TPST1: variants seen among roughly 807,000 people sequenced by gnomAD.
The protein encoded by TPST1 is protein-tyrosine sulfotransferase 1.
A neutral mutation model predicts 34.8 loss-of-function variants in TPST1; 20 were observed. The ratio of observed to expected loss-of-function variants is 0.57; its 90% CI spans 0.40 to 0.84. TPST1 has a LOEUF of 0.84. TPST1 is among the 40% of genes least tolerant of loss of function. The probability of loss-of-function intolerance (pLI) is 0.00; values close to 1 mark genes in which losing one functional copy is unlikely to be tolerated. For missense variants in TPST1, 353 were observed against 455.5 expected (o/e 0.78, Z 2.05); for synonymous variants, 152 against 159.4 (o/e 0.95, Z 0.35).
At chr7:66,296,785 A>G (rs1001716305) in intron 3 of TPST1, among the ~76,000 whole-genome samples, 20 of 146,068 alleles carry the variant, frequency 1.4e-4, no homozygotes, top group African/African-American at 4.6e-4. Context: ...ATCATGCTTC[A>G]TGGTTACTGT....
intron 1 of TPST1, among the ~76,000 whole-genome samples, chr7:66,206,098 ACT>A (rs945215467): frequency 4.7e-5 from 6 of 127,442 alleles, no homozygotes; most frequent in African/African-American, 1.5e-4. Flanking sequence ...ACACTTTCCC[ACT>A]CTCTGCAATG....
chr7:66,319,193 G>T (rs558286167), intron 3 of TPST1, among the ~76,000 whole-genome samples: 4 of 151,862 alleles, frequency 2.6e-5, no homozygotes, highest in Non-Finnish European at 5.9e-5. Context: ...TTGAACTCCA[G>T]TTATTTGAAT....
chr7:66,227,568 A>T (rs984122249), intron 1 of TPST1, among the ~76,000 whole-genome samples: 15 of 151,998 alleles, frequency 9.9e-5, no homozygotes, highest in African/African-American at 3.4e-4. Flanking sequence ...GTTTTATAAA[A>T]ACAAGGACCC....
intron 4 of TPST1, chr7:66,352,922 T>A: frequency 1.0e-6 from 1 of 985,444 alleles, no homozygotes. Context: ...GTTCCTACTC[T>A]GTGTACTGTA....
At chr7:66,215,655 G>C (rs1425011467) in intron 1 of TPST1, among the ~76,000 whole-genome samples, 2 of 151,228 alleles carry the variant, frequency 1.3e-5, no homozygotes, top group Non-Finnish European at 2.9e-5. Context: ...TTACAGGCGT[G>C]AGCCACCGCG....
chr7:66,217,089 G>A (rs1304993096), intron 1 of TPST1, among the ~76,000 whole-genome samples: 1 of 151,960 alleles, frequency 6.6e-6, no homozygotes, highest in Non-Finnish European at 1.5e-5. Context: ...AAATATATTG[G>A]GACTTGTTCG....
intron 2 of TPST1, among the ~76,000 whole-genome samples, chr7:66,283,467 C>T (rs928095508): frequency 9.9e-5 from 15 of 152,166 alleles, no homozygotes; most frequent in Non-Finnish European, 2.1e-4. Context: ...GTCTCTTCCT[C>T]AGCTACTCAA....
At chr7:66,280,278 C>T (rs1259005360) in intron 2 of TPST1, among the ~76,000 whole-genome samples, 2 of 152,212 alleles carry the variant, frequency 1.3e-5, no homozygotes, top group African/African-American at 4.8e-5. Flanking sequence ...AGAAGAGGAC[C>T]TTCCTCTAAG....
rs1165498082 is a variant in TPST1, at chr7:66,240,367, A to G, written c.-59A>G. On this transcript the variant is annotated 5_prime_UTR_variant, in exon 2 of 6. Coordinates refer to ENST00000304842, the MANE Select transcript of TPST1 (RefSeq NM_003596.4). ...GAAGTAGACTGTCCATGGCCTGAACATTTTCCGAAAATCATTTTGAGCAAA... is the reference window on the plus strand; with the variant it reads ...GAAGTAGACTGTCCATGGCCTGAACGTTTTCCGAAAATCATTTTGAGCAAA... 1 of 1,564,260 alleles carries G rather than the reference A, an allele frequency of 6.4e-7. No individual in the cohort carries two copies. The highest frequency in any genetic ancestry group is 8.7e-7 in the Non-Finnish European group (1 of 1,155,008).
chr7:66,297,039 G>GTGGA (rs1402215155), intron 3 of TPST1, among the ~76,000 whole-genome samples: 1 of 152,112 alleles, frequency 6.6e-6, no homozygotes, highest in Non-Finnish European at 1.5e-5. Flanking sequence ...CACAATTTCA[G>GTGGA]TGGATACATA....
chr7:66,203,707 G>A (rs1233597728), upstream of TPST1, among the ~76,000 whole-genome samples: 1 of 151,044 alleles, frequency 6.6e-6, no homozygotes, highest in Non-Finnish European at 1.5e-5. Flanking sequence ...GGATGGTCTC[G>A]ATCTCCTGAC....
intron 2 of TPST1, among the ~76,000 whole-genome samples, chr7:66,244,550 A>G (rs1485123279): frequency 1.3e-5 from 2 of 152,210 alleles, no homozygotes; most frequent in Non-Finnish European, 2.9e-5. Flanking sequence ...CTCCTGCTCA[A>G]GTATCTTGAA....
intron 1 of TPST1, among the ~76,000 whole-genome samples, chr7:66,209,008 C>T (rs1486750274): frequency 1.3e-5 from 2 of 151,990 alleles, no homozygotes; most frequent in African/African-American, 2.4e-5. Flanking sequence ...TTAGGCTAGG[C>T]GCGGTGGCTC....
intron 2 of TPST1, among the ~76,000 whole-genome samples, chr7:66,246,179 ATTTT>A (rs35051150): frequency 6.5e-5 from 6 of 92,396 alleles, no homozygotes; most frequent in East Asian, 3.9e-4. Flanking sequence ...TGCCTGGCTA[ATTTT>A]TTTTTTTTTT....
intron 3 of TPST1, among the ~76,000 whole-genome samples, chr7:66,311,559 A>G (rs765863761): frequency 6.6e-5 from 10 of 152,184 alleles, no homozygotes; most frequent in South Asian, 2.1e-4. Flanking sequence ...CTTTCTTCTG[A>G]TGCATCACTT....
chr7:66,223,575 G>C (rs1037711724), intron 1 of TPST1, among the ~76,000 whole-genome samples: 1 of 151,908 alleles, frequency 6.6e-6, no homozygotes, highest in African/African-American at 2.4e-5. Flanking sequence ...CCTCATCATG[G>C]GTGGTCTAAA....
chr7:66,221,222 G>T (rs1789536409), intron 1 of TPST1, among the ~76,000 whole-genome samples: 1 of 152,054 alleles, frequency 6.6e-6, no homozygotes, highest in Non-Finnish European at 1.5e-5. Flanking sequence ...AGGCTGTGGA[G>T]TTCATATGAG....
chr7:66,241,263 C>G lies in TPST1; in HGVS notation c.838C>G (p.Leu280Val). The change falls in exon 2 of 6, where the codon CTG (leucine) becomes GTG (valine). Residue 280 changes from leucine (L) to valine (V), a missense_variant. Transcript: ENST00000304842. ...GATTGGGAAAGCTGGGGGAGTGTCT[C>G]TGTCAAAGTGAGTAGAAGATACGTT... ...EMIGKAGGVS[L>V]SKVERSTDQV... The G allele has an allele frequency of 6.2e-7, 1 of 1,606,684 alleles. No individual in the cohort carries two copies. Among genetic ancestry groups the G allele is most frequent in the Non-Finnish European group, 8.5e-7 (1 of 1,176,370 alleles).
intron 2 of TPST1, among the ~76,000 whole-genome samples, chr7:66,260,280 G>C (rs1790462029): frequency 6.6e-6 from 1 of 152,142 alleles, no homozygotes. Flanking sequence ...TATGCACATA[G>C]CCTCAAGGTG....
Sources: gnomAD v4.1 joint callset for allele counts (sites outside exome capture counted in the v4.1 genomes callset) on GRCh38, gnomAD v4.1.1 for gene constraint, MANE v1.5 for transcripts, NCBI Gene and HGNC (gene_info 2026-07-23, HGNC 2026-07-21) for gene names.